Variants in TRMT11 observed in about 807,000 individuals in gnomAD.
The protein encoded by TRMT11 is tRNA (guanine(10)-N(2))-methyltransferase TRMT11.
Under a neutral mutation model 62.8 loss-of-function variants are expected in TRMT11, and 53 were observed. That is an observed-to-expected ratio of 0.84 (90% confidence interval 0.68 to 1.06). TRMT11 has a LOEUF of 1.06. TRMT11 is among the 50% of genes least tolerant of loss of function. TRMT11 has a pLI of 0.00. For missense variants in TRMT11, 556 were observed against 553.4 expected, an observed-to-expected ratio of 1.00 and a Z score of -0.05; for synonymous variants, 188 against 190.3, an observed-to-expected ratio of 0.99 and a Z score of 0.10.
chr6:126,048,221 G>C (rs924472254), intron 16 of TRMT11, among the ~76,000 whole-genome samples: 5 of 152,182 alleles, frequency 3.3e-5, no homozygotes, highest in African/African-American at 1.2e-4. Flanking sequence ...CTGAAAACCA[G>C]TGCCATTTCA....
At chr6:126,007,086 A>G (rs1316886401) in intron 7 of TRMT11, 6 of 152,012 alleles carry the variant, frequency 3.9e-5, no homozygotes, top group Non-Finnish European at 5.9e-5. Context: ...CAGAGTCAGA[A>G]TTATGAGGAC....
chr6:126,034,401 C>A (rs965188952), intron 12 of TRMT11, among the ~76,000 whole-genome samples: 1 of 152,018 alleles, frequency 6.6e-6, no homozygotes, highest in Non-Finnish European at 1.5e-5. Context: ...TTTACAATTG[C>A]TGATTGTCTT....
chr6:126,146,306 C>T (rs1777973807), intron 21 of TRMT11, among the ~76,000 whole-genome samples: 1 of 152,172 alleles, frequency 6.6e-6, no homozygotes, highest in Non-Finnish European at 1.5e-5. Context: ...CTAATATGGA[C>T]ACTGAGTATC....
intron 16 of TRMT11, among the ~76,000 whole-genome samples, chr6:126,049,062 T>G (rs2128105206): frequency 6.6e-6 from 1 of 152,324 alleles, no homozygotes; most frequent in South Asian, 2.1e-4. Context: ...CTTTCCATAC[T>G]TCCTGCCATC....
the TRMT11 span, among the ~76,000 whole-genome samples, chr6:126,242,472 C>T: frequency 6.6e-6 from 1 of 152,150 alleles, no homozygotes; most frequent in Non-Finnish European, 1.5e-5. Flanking sequence ...GCCCACATTG[C>T]CAAGTCAATC....
chr6:126,138,034 A>G (rs559013944), intron 21 of TRMT11, among the ~76,000 whole-genome samples: 1 of 152,080 alleles, frequency 6.6e-6, no homozygotes, highest in East Asian at 1.9e-4. Context: ...AATGTGTTCT[A>G]TTATTTGAAA....
chr6:126,207,826 G>A (rs1233432609), downstream of TRMT11, among the ~76,000 whole-genome samples: 1 of 152,128 alleles, frequency 6.6e-6, no homozygotes, highest in African/African-American at 2.4e-5. Flanking sequence ...TCACAACTTT[G>A]ACTGAACATG....
intron 17 of TRMT11, among the ~76,000 whole-genome samples, chr6:126,060,460 C>G (rs1776501957): frequency 6.6e-6 from 1 of 152,212 alleles, no homozygotes; most frequent in South Asian, 2.1e-4. Context: ...ACCCCCACCT[C>G]TCCTTCAGGC....
At chr6:126,178,213 C>G (rs1454928126) in intron 1 of TRMT11, among the ~76,000 whole-genome samples, 1 of 152,160 alleles carries the variant, frequency 6.6e-6, no homozygotes, top group African/African-American at 2.4e-5. Flanking sequence ...TCAGATCACC[C>G]TTCAAGGAAA....
intron 21 of TRMT11, among the ~76,000 whole-genome samples, chr6:126,125,977 T>C (rs1002018162): frequency 2.0e-5 from 3 of 152,150 alleles, no homozygotes; most frequent in Admixed American, 1.3e-4. Context: ...ACTGCAATAT[T>C]GGGCCACTTT....
chr6:126,072,012 C>A (rs1253222971), intron 17 of TRMT11, among the ~76,000 whole-genome samples: 1 of 152,130 alleles, frequency 6.6e-6, no homozygotes, highest in African/African-American at 2.4e-5. Flanking sequence ...TGACTTCAAT[C>A]TGAGCTCAGT....
chr6:126,018,737 T>C (rs892545052), intron 11 of TRMT11, among the ~76,000 whole-genome samples: 6 of 152,088 alleles, frequency 3.9e-5, no homozygotes, highest in African/African-American at 1.4e-4. Context: ...GGGATATTAA[T>C]AAAAACAGGG....
At chr6:126,254,256 AG>A in the TRMT11 span, among the ~76,000 whole-genome samples, 1 of 152,216 alleles carries the variant, frequency 6.6e-6, no homozygotes, top group Non-Finnish European at 1.5e-5. Flanking sequence ...AGGAACTCTC[AG>A]ATAGGTATGG....
chr6:126,136,850 A>G (rs557859593), intron 21 of TRMT11, among the ~76,000 whole-genome samples: 57 of 151,646 alleles, frequency 3.8e-4, no homozygotes, highest in Middle Eastern at 3.4e-3. Flanking sequence ...GTCAACTCAT[A>G]TTTGACAAAG....
chr6:126,081,031 C>T (rs984985591), intron 17 of TRMT11, among the ~76,000 whole-genome samples: 2 of 152,264 alleles, frequency 1.3e-5, no homozygotes, highest in South Asian at 4.1e-4. Flanking sequence ...TGTGCCACTG[C>T]CAAAGACTTG....
At chr6:126,183,054 C>CCA (rs1562342950) in intron 1 of TRMT11, among the ~76,000 whole-genome samples, 4 of 152,052 alleles carry the variant, frequency 2.6e-5, no homozygotes, top group African/African-American at 9.7e-5. Context: ...ATCCCTCCAA[C>CCA]ACCACCCACC....
intron 1 of TRMT11, among the ~76,000 whole-genome samples, chr6:126,179,026 A>AC (rs1778425690): frequency 6.6e-6 from 1 of 152,102 alleles, no homozygotes; most frequent in African/African-American, 2.4e-5. Flanking sequence ...GAGGAATCTA[A>AC]TTTTTCCTTA....
chr6:126,215,490 G>A, the TRMT11 span, among the ~76,000 whole-genome samples: 1 of 151,886 alleles, frequency 6.6e-6, no homozygotes. Context: ...TATTTTGTCT[G>A]ATATAAGTAT....
intron 1 of TRMT11, among the ~76,000 whole-genome samples, chr6:126,196,939 A>T (rs1778673722): frequency 6.6e-6 from 1 of 152,192 alleles, no homozygotes; most frequent in Admixed American, 6.5e-5. Flanking sequence ...AAAATTTTAG[A>T]TATCAACTTA....
Sources: gnomAD v4.1 joint callset for allele counts (sites outside exome capture counted in the v4.1 genomes callset) on GRCh38, gnomAD v4.1.1 for gene constraint, MANE v1.5 for transcripts, NCBI Gene and HGNC (gene_info 2026-07-23, HGNC 2026-07-21) for gene names.